Variants in PIN4 observed in about 807,000 individuals in gnomAD.
PIN4 encodes the protein peptidylprolyl cis/trans isomerase, NIMA-interacting 4, also known as peptidyl-prolyl cis-trans isomerase NIMA-interacting 4.
Under a neutral mutation model 8.3 loss-of-function variants are expected in PIN4, and 3 were observed. The observed-to-expected ratio is 0.36, with a 90% confidence interval of 0.16 to 0.93. The LOEUF is 0.93. PIN4 is among the 40% of genes least tolerant of loss of function. PIN4 has a pLI of 0.44. For missense variants in PIN4, 75 were observed against 100.6 expected, an observed-to-expected ratio of 0.75 and a Z score of 1.09; for synonymous variants, 18 against 32.5, an observed-to-expected ratio of 0.55 and a Z score of 1.52.
chrX:72,236,896 A>G (rs770450142), intron 3 of PIN4, among the ~76,000 whole-genome samples: 2 of 112,403 alleles, frequency 1.8e-5, no homozygotes, highest in Admixed American at 9.5e-5. Flanking sequence ...TTGCTCACTC[A>G]TGTAAGTGTA....
chrX:72,254,319 A>G (rs770929913), intron 3 of PIN4, among the ~76,000 whole-genome samples: 4 of 111,701 alleles, frequency 3.6e-5, no homozygotes, highest in African/African-American at 1.3e-4. Context: ...ATCATTCAGA[A>G]ATCAGCCATC....
At chrX:72,234,879 C>T (rs2984351) in intron 3 of PIN4, among the ~76,000 whole-genome samples, 49,761 of 109,921 alleles carry the variant, frequency 0.45, 10,399 homozygotes, top group East Asian at 0.98. Flanking sequence ...AGCAAGAAGG[C>T]ATGAAACAGG....
In PIN4 at chrX:72,208,095, A is replaced by G. The variant is rs755858395; in HGVS notation, c.312+11191A>G. On this transcript the variant is annotated intron_variant, in intron 3 of 3. Coordinates refer to the PIN4 transcript ENST00000423432. Reference sequence around the variant, plus strand: ...TTTTATGTGCTTCATCGAGGATGACATAGTCCCACACAAACTCTTGGCCCC... The same window carrying G: ...TTTTATGTGCTTCATCGAGGATGACGTAGTCCCACACAAACTCTTGGCCCC... 7 of 1,211,859 alleles carry G rather than the reference A, an allele frequency of 5.8e-6. No individual in the cohort carries two copies. The South Asian group carries it at 1.2e-4, about 21-fold the overall frequency.
At chrX:72,190,772 G>C (rs2042727726) in intron 2 of PIN4, among the ~76,000 whole-genome samples, 1 of 109,600 alleles carries the variant, frequency 9.1e-6, no homozygotes, top group East Asian at 2.8e-4. Flanking sequence ...GGCCAACATG[G>C]TAAAACCCCG....
intron 3 of PIN4, among the ~76,000 whole-genome samples, chrX:72,246,502 GC>G (rs988785709): frequency 1.8e-5 from 2 of 111,170 alleles, no homozygotes; most frequent in Admixed American, 9.6e-5. Flanking sequence ...ATCCTTCAAA[GC>G]CCCCTCGTTT....
At chrX:72,218,611 A>T (rs1003775215) in intron 3 of PIN4, among the ~76,000 whole-genome samples, 3 of 108,419 alleles carry the variant, frequency 2.8e-5, no homozygotes, top group African/African-American at 1.0e-4. Flanking sequence ...GTCCTGCCTC[A>T]ACCTCCCGAG....
intron 3 of PIN4, among the ~76,000 whole-genome samples, chrX:72,240,790 A>G (rs2043046084): frequency 1.0e-5 from 1 of 97,806 alleles, no homozygotes; most frequent in African/African-American, 4.1e-5. Context: ...ACAGAGCAAG[A>G]CTCCATCTCA....
chrX:72,205,798 G>C lies in PIN4; in HGVS notation c.312+8894G>C, dbSNP rs759679045. On this transcript the variant is annotated intron_variant, in intron 3 of 3. Coordinates refer to the PIN4 transcript ENST00000423432. ...ACATGTTTTGCTATGCACAAACCCT[G>C]CTCTGGAATTAGGTGCAGAGCCACA... 28 of 1,210,354 alleles carry C rather than the reference G, an allele frequency of 2.3e-5. No homozygotes were observed. Among genetic ancestry groups the C allele is most frequent in the Non-Finnish European group, 2.9e-5 (26 of 895,341 alleles).
At chrX:72,247,805 G>T (rs1302264063) in intron 3 of PIN4, among the ~76,000 whole-genome samples, 1 of 112,221 alleles carries the variant, frequency 8.9e-6, no homozygotes, top group African/African-American at 3.2e-5. Flanking sequence ...GGCCCTCATG[G>T]GATGTTCTGT....
intron 3 of PIN4, chrX:72,204,983 C>T (rs373722830): frequency 1.5e-4 from 168 of 1,104,491 alleles, no homozygotes; most frequent in Admixed American, 2.0e-4. Context: ...TATTCAGTTT[C>T]ACTTTAAAAT....
intron 3 of PIN4, among the ~76,000 whole-genome samples, chrX:72,225,807 T>C (rs1339195663): frequency 9.0e-6 from 1 of 111,209 alleles, no homozygotes; most frequent in Non-Finnish European, 1.9e-5. Context: ...CTTTCGTCTA[T>C]ATTTACACAG....
At chrX:72,259,817 G>A (rs781407387) in intron 3 of PIN4, among the ~76,000 whole-genome samples, 8 of 97,539 alleles carry the variant, frequency 8.2e-5, no homozygotes, top group Admixed American at 7.5e-4. Context: ...CGCAACCTCC[G>A]CTTCCTGGGT....
chrX:72,210,875 C>T (rs763572487), intron 3 of PIN4, among the ~76,000 whole-genome samples: 13 of 111,936 alleles, frequency 1.2e-4, no homozygotes, highest in Non-Finnish European at 2.4e-4. Context: ...CCCTGGTCCA[C>T]CCTAGTTAGC....
rs750740243 is a variant in PIN4 at position 72,191,563 on chromosome X, C to T, written c.117+5029C>T. 2.4e-3 allele frequency among the ~76,000 whole-genome samples: 265 copies of T among 109,697 alleles called. 8 individuals are homozygous for T. In the East Asian group the frequency reaches 0.06, roughly 25 times the overall value. On this transcript the variant is annotated intron_variant, in intron 2 of 3. Coordinates refer to ENST00000373669, the MANE Select transcript of PIN4 (RefSeq NM_006223.4). Reference sequence around the variant, plus strand: ...GAGACTCCATCTCAAAAAACAAAAACGAAAAACTTTTCTAGAATTTCTGGA... The same window carrying T: ...GAGACTCCATCTCAAAAAACAAAAATGAAAAACTTTTCTAGAATTTCTGGA...
chrX:72,253,899 C>T (rs1344889409), intron 3 of PIN4, among the ~76,000 whole-genome samples: 2 of 108,400 alleles, frequency 1.8e-5, no homozygotes, highest in Non-Finnish European at 3.8e-5. Flanking sequence ...AAGGTTGAGA[C>T]TTCAATGAGT....
chrX:72,205,921 T>C (rs1357849071), intron 3 of PIN4: 1 of 1,211,311 alleles, frequency 8.3e-7, no homozygotes, highest in Non-Finnish European at 1.1e-6. Flanking sequence ...ATCACATGCA[T>C]ACTGTGGTGA....
intron 1 of PIN4, among the ~76,000 whole-genome samples, chrX:72,183,924 C>G (rs755039339): frequency 3.2e-4 from 36 of 110,947 alleles, no homozygotes; most frequent in Middle Eastern, 4.6e-3. Flanking sequence ...CAGTAGGCAT[C>G]TTGAGGAGAG....
At chrX:72,230,122 C>G (rs1490720710) in intron 3 of PIN4, among the ~76,000 whole-genome samples, 1 of 109,316 alleles carries the variant, frequency 9.1e-6, no homozygotes, top group African/African-American at 3.3e-5. Flanking sequence ...TTGCAGTGAG[C>G]CGAGATTGCG....
intron 3 of PIN4, among the ~76,000 whole-genome samples, chrX:72,261,297 A>G (rs1293255244): frequency 1.0e-4 from 8 of 78,442 alleles, no homozygotes; most frequent in Non-Finnish European, 1.4e-4. Flanking sequence ...TCCGTCTCAG[A>G]AAAAAAAAAA....
Sources: gnomAD v4.1 joint callset for allele counts (sites outside exome capture counted in the v4.1 genomes callset) on GRCh38, gnomAD v4.1.1 for gene constraint, MANE v1.5 for transcripts, NCBI Gene and HGNC (gene_info 2026-07-23, HGNC 2026-07-21) for gene names.